The following VTI1A variants were observed in gnomAD, a reference collection of about 807,000 sequenced individuals.
VTI1A encodes vesicle transport through interaction with t-SNAREs homolog 1A.
VTI1A carries 22 observed loss-of-function variants against 34.9 expected under a neutral mutation model. The ratio of observed to expected loss-of-function variants is 0.63; its 90% CI spans 0.45 to 0.90. The LOEUF (loss-of-function observed/expected upper bound fraction) is 0.90. Ranked by LOEUF, VTI1A falls within the 40% of genes least tolerant of loss-of-function variation. VTI1A has a pLI of 0.00. For missense variants in VTI1A, 268 were observed against 275.6 expected, an observed-to-expected ratio of 0.97 and a Z score of 0.20; for synonymous variants, 87 against 97.3, an observed-to-expected ratio of 0.89 and a Z score of 0.62.
intron 5 of VTI1A, among the ~76,000 whole-genome samples, chr10:112,582,120 G>A (rs1309179189): frequency 6.6e-6 from 1 of 152,126 alleles, no homozygotes; most frequent in Non-Finnish European, 1.5e-5. Flanking sequence ...TGAGATCAGG[G>A]TGCCAGCATG....
chr10:112,747,969 A>G (rs1850960095), intron 7 of VTI1A, among the ~76,000 whole-genome samples: 1 of 152,168 alleles, frequency 6.6e-6, no homozygotes, highest in South Asian at 2.1e-4. Context: ...CTCCTAGACC[A>G]AAGCGGAGAG....
chr10:112,810,848 A>G (rs1188708926), intron 7 of VTI1A, among the ~76,000 whole-genome samples: 1 of 152,200 alleles, frequency 6.6e-6, no homozygotes, highest in Non-Finnish European at 1.5e-5. Flanking sequence ...ACACAGGAGC[A>G]TTGGCTGGAA....
intron 7 of VTI1A, among the ~76,000 whole-genome samples, chr10:112,789,111 C>T (rs1852383514): frequency 1.3e-5 from 2 of 152,042 alleles, no homozygotes; most frequent in Non-Finnish European, 2.9e-5. Flanking sequence ...TTTATATTTG[C>T]CTACATATTT....
At chr10:112,541,096 G>A (rs1308074872) in intron 5 of VTI1A, among the ~76,000 whole-genome samples, 1 of 152,152 alleles carries the variant, frequency 6.6e-6, no homozygotes, top group African/African-American at 2.4e-5. Context: ...AAGGAAAGTT[G>A]TAATGTGATT....
At chr10:112,799,025 A>G (rs1176606706) in intron 7 of VTI1A, among the ~76,000 whole-genome samples, 1 of 152,198 alleles carries the variant, frequency 6.6e-6, no homozygotes, top group East Asian at 1.9e-4. Context: ...AGGCGCGCAC[A>G]GGCTGGTTTC....
intron 3 of VTI1A, among the ~76,000 whole-genome samples, chr10:112,469,058 A>G (rs1048441274): frequency 1.8e-4 from 27 of 152,212 alleles, no homozygotes; most frequent in African/African-American, 6.0e-4. Context: ...TGTATATGTC[A>G]TGCCATTACA....
chr10:112,590,288 G>A (rs1844339971), intron 5 of VTI1A, among the ~76,000 whole-genome samples: 1 of 152,004 alleles, frequency 6.6e-6, no homozygotes, highest in African/African-American at 2.4e-5. Flanking sequence ...GTGGAGTATT[G>A]GTTGTATGGA....
At chr10:112,693,407 C>A (rs1379609971) in intron 7 of VTI1A, among the ~76,000 whole-genome samples, 1 of 151,814 alleles carries the variant, frequency 6.6e-6, no homozygotes, top group East Asian at 1.9e-4. Flanking sequence ...ATTAGCCAGG[C>A]GTGGTGGTGG....
At chr10:112,500,997 A>T (rs749631224) in intron 3 of VTI1A, among the ~76,000 whole-genome samples, 1 of 152,164 alleles carries the variant, frequency 6.6e-6, no homozygotes, top group Non-Finnish European at 1.5e-5. Context: ...TCCTTCCTTT[A>T]TTTGACTGTA....
chr10:112,449,410 T>C (rs1847142671), intron 1 of VTI1A: 2 of 152,256 alleles, frequency 1.3e-5, no homozygotes, highest in Admixed American at 6.5e-5. Flanking sequence ...TATATTTTAA[T>C]GTGACAATTC....
intron 7 of VTI1A, among the ~76,000 whole-genome samples, chr10:112,777,884 C>T (rs941215188): frequency 2.0e-5 from 3 of 152,148 alleles, no homozygotes; most frequent in African/African-American, 7.2e-5. Flanking sequence ...AGGTGGATCA[C>T]CTGAGGTAGG....
At position 112,722,461 on chromosome 10, in the gene VTI1A, T is replaced by G. The variant is rs1045026310; in HGVS notation, c.560+53463T>G. On this transcript the variant is annotated intron_variant, in intron 7 of 7. Coordinates refer to ENST00000393077, the MANE Select transcript of VTI1A (RefSeq NM_145206.4). ...CCAACATGGCACATGTATGCATATG[T>G]AACAAACCTGCACATTGTGCACATG... is the stretch of plus-strand genomic sequence containing the variant. 3.3e-5 allele frequency among the ~76,000 whole-genome samples: 5 copies of G among 152,102 alleles called. No individual in the cohort carries two copies. The South Asian group carries it at 1.0e-3, about 32-fold the overall frequency.
At chr10:112,518,983 A>C (rs1849912320) in intron 3 of VTI1A, among the ~76,000 whole-genome samples, 1 of 152,026 alleles carries the variant, frequency 6.6e-6, no homozygotes, top group Non-Finnish European at 1.5e-5. Context: ...GGACTAAATT[A>C]ATTTTCTTAT....
intron 3 of VTI1A, among the ~76,000 whole-genome samples, chr10:112,505,484 T>A (rs1849395457): frequency 6.6e-6 from 1 of 152,230 alleles, no homozygotes; most frequent in Non-Finnish European, 1.5e-5. Flanking sequence ...CTTTTACTAA[T>A]CTAATTATGT....
At chr10:112,799,866 C>T (rs1195404323) in intron 7 of VTI1A, among the ~76,000 whole-genome samples, 1 of 152,142 alleles carries the variant, frequency 6.6e-6, no homozygotes, top group African/African-American at 2.4e-5. Flanking sequence ...TTAGCCACAG[C>T]AGGGCACCCC....
chr10:112,552,782 G>A (rs1406859857), intron 5 of VTI1A, among the ~76,000 whole-genome samples: 1 of 152,158 alleles, frequency 6.6e-6, no homozygotes, highest in African/African-American at 2.4e-5. Context: ...TGGGCTTCCT[G>A]TAGAATGCAC....
intron 7 of VTI1A, among the ~76,000 whole-genome samples, chr10:112,724,797 AAAG>A (rs1380245375): frequency 2.2e-4 from 34 of 151,678 alleles, no homozygotes; most frequent in African/African-American, 7.0e-4. Context: ...AAAAAAAAAA[AAAG>A]AAAAAAAAAC....
chr10:112,833,744 G>T, the VTI1A span, among the ~76,000 whole-genome samples: 3 of 152,158 alleles, frequency 2.0e-5, no homozygotes, highest in African/African-American at 7.2e-5. Context: ...TCTCCTTGGG[G>T]CATCAAAGTG....
chr10:112,825,943 A>G, the VTI1A span: 1 of 152,262 alleles, frequency 6.6e-6, no homozygotes, highest in South Asian at 2.1e-4. Context: ...CATGCTAATA[A>G]TTTAAAATTT....
Sources: gnomAD v4.1 joint callset for allele counts (sites outside exome capture counted in the v4.1 genomes callset) on GRCh38, gnomAD v4.1.1 for gene constraint, MANE v1.5 for transcripts, NCBI Gene and HGNC (gene_info 2026-07-23, HGNC 2026-07-21) for gene names.